Variants in MACF1 observed in about 807,000 individuals in gnomAD.
MACF1 encodes the protein microtubule actin crosslinking factor 1, also known as microtubule-actin cross-linking factor 1.
A neutral mutation model predicts 854.8 loss-of-function variants in MACF1; 193 were observed. That is an observed-to-expected ratio of 0.23 (90% CI 0.20 to 0.25). MACF1 has a LOEUF of 0.25. Among genes scored for constraint, MACF1 ranks in the 10% least tolerant of loss-of-function variants. MACF1 has a pLI of 1.00. For synonymous variants in MACF1, 3,185 were observed against 3,226.7 expected (o/e 0.99, Z 0.44); for missense variants, 7,722 against 8,929.1 (o/e 0.86, Z 5.45).
rs79990239 is a variant in MACF1, at chr1:39,379,277, C to T, written c.13351C>T (p.Arg4451Cys). 2.2e-4 allele frequency: 356 copies of T among 1,612,966 alleles called. 1 individual carries two copies. Among genetic ancestry groups the T allele is most frequent in the African/African-American group, 2.1e-3 (161 of 74,888 alleles). Residue 4451 changes from arginine to cysteine, a missense_variant, in exon 54 of 101, where the codon CGC becomes TGC. By Grantham distance (180) the Arg-to-Cys change is radical (BLOSUM62 -3). This residue lies in a region of MACF1 where 2,807 missense variants were observed against 3,235.8 expected (regional missense o/e 0.87). Transcript: ENST00000564288. The part of the protein sequence containing the change: ...YEKLGGVLHE[R>C]QESLQAILNR... ...GAAACTAGGGGGAGTACTTCATGAA[C>T]GCCAGGAAAGCCTTCAGGCTATCCT...
chr1:39,372,569 ACAG>A lies in MACF1; in HGVS notation c.13189_13191del (p.Ala4397del), dbSNP rs1280424663. On this transcript the variant is annotated inframe_deletion, in exon 52 of 101. Coordinates refer to ENST00000564288, the MANE Select transcript of MACF1 (RefSeq NM_001394062.1). ...TTTAGAAAATCTCATCATGGAAATC[ACAG>A]CACCTGATTCCCAAGGCAAGACAGG... The A allele has an allele frequency of 1.2e-6, 2 of 1,613,190 alleles. No individual in the cohort carries two copies. The highest frequency in any genetic ancestry group is 1.6e-4 in the Middle Eastern group (1 of 6,082).
intron 26 of MACF1, among the ~76,000 whole-genome samples, chr1:39,311,836 A>C (rs1646306774): frequency 6.6e-6 from 1 of 152,218 alleles, no homozygotes; most frequent in Admixed American, 6.5e-5. Flanking sequence ...GAGCTCTATG[A>C]AGGCTATTAA....
intron 45 of MACF1, 89 bp downstream of exon 45, chr1:39,357,982 T>G (rs1009291383): frequency 9.2e-5 from 122 of 1,320,052 alleles, no homozygotes; most frequent in Non-Finnish European, 5.5e-5. Context: ...GAATAAGAAC[T>G]CCAGGACACA....
At chr1:39,249,252 G>A (rs1272631380) in intron 2 of MACF1, among the ~76,000 whole-genome samples, 3 of 152,212 alleles carry the variant, frequency 2.0e-5, no homozygotes, top group Non-Finnish European at 2.9e-5. Context: ...ATAAAGCATA[G>A]TAGTTAATGG....
chr1:39,336,062 C>T lies in MACF1; in HGVS notation c.9474C>T (p.Thr3158=). 6.2e-7 allele frequency: 1 copy of T among 1,613,886 alleles called. No homozygotes were observed. The highest frequency in any genetic ancestry group is 8.5e-7 in the Non-Finnish European group (1 of 1,179,984). ...DSWVTSKTKE[T]KHQISSSNEC... Reference sequence around the variant, plus strand: ...GGGTTACTTCGAAAACTAAGGAAACCAAACATCAAATTTCCTCATCTAATG... The same window carrying T: ...GGGTTACTTCGAAAACTAAGGAAACTAAACATCAAATTTCCTCATCTAATG... Residue 3158 remains threonine (T), a synonymous_variant, in exon 37 of 101, where the codon ACC becomes ACT. Coordinates refer to ENST00000564288, the MANE Select transcript of MACF1 (RefSeq NM_001394062.1).
Position 39,335,095 on chromosome 1 carries a change from C to G in MACF1, c.8507C>G (p.Ala2836Gly). The G allele has an allele frequency of 6.2e-7, 1 of 1,613,264 alleles. No homozygotes were observed. Among genetic ancestry groups the G allele is most frequent in the Non-Finnish European group, 8.5e-7 (1 of 1,179,748 alleles). ...GTGAGAGTTTCTGATGGGGAGCAGG[C>G]AAAAAAGAGCAGGGAAATTTCCTTA... ...VKVRVSDGEQ[A>G]KKSREISLKE... is the part of the protein sequence containing the mutation. The change falls in exon 37 of 101, where the codon GCA (alanine) becomes GGA (glycine). Residue 2836 changes from alanine to glycine, a missense_variant. Ala to Gly is a moderately conservative substitution (Grantham distance 60). Around this residue, in one of 15 missense-constraint regions of MACF1, gnomAD observed 1,531 missense variants for 1,601.6 expected, o/e 0.96. Transcript: ENST00000564288.
intron 54 of MACF1, 92 bp from the exon 55 acceptor site, chr1:39,380,152 A>G: frequency 7.4e-7 from 1 of 1,344,324 alleles, no homozygotes; most frequent in Non-Finnish European, 1.0e-6. Context: ...AGAGTCTATA[A>G]TAACTGCCCA....
intron 6 of MACF1, among the ~76,000 whole-genome samples, chr1:39,271,205 C>T (rs768291121): frequency 2.6e-5 from 4 of 152,136 alleles, no homozygotes; most frequent in Non-Finnish European, 5.9e-5. Context: ...GTATACAGTT[C>T]TGCAGGCTGT....
intron 44 of MACF1, among the ~76,000 whole-genome samples, chr1:39,355,711 G>A (rs1022320874): frequency 2.0e-5 from 3 of 151,940 alleles, no homozygotes; most frequent in African/African-American, 7.2e-5. Context: ...TGATCCACCC[G>A]CCTTGGCCTC....
intron 2 of MACF1, among the ~76,000 whole-genome samples, chr1:39,130,190 A>G (rs1571077844): frequency 6.6e-6 from 1 of 152,318 alleles, no homozygotes; most frequent in Non-Finnish European, 1.5e-5. Context: ...TCTCATTATC[A>G]GAAGATGAAG....
intron 2 of MACF1, among the ~76,000 whole-genome samples, chr1:39,091,504 ATT>A (rs530996702): frequency 6.7e-6 from 1 of 150,112 alleles, no homozygotes; most frequent in Non-Finnish European, 1.5e-5. Flanking sequence ...GCCCTTGATA[ATT>A]TTTTTTTTGA....
At chr1:39,127,820 CTAGTCAGATGTGAGATG>C (rs1642897429) in intron 2 of MACF1, among the ~76,000 whole-genome samples, 1 of 151,562 alleles carries the variant, frequency 6.6e-6, no homozygotes, top group Admixed American at 6.6e-5. Flanking sequence ...CCATGGGGCC[CTAGTCAGATGTGAGATG>C]TTGTAAGTTA....
Position 39,429,872 on chromosome 1 carries a change from C to T in MACF1, c.16934C>T (p.Thr5645Ile), listed in dbSNP as rs781376150. ...CAGGAAAAACTAGATGGTATAAAGA[C>T]TCGTTACGCAGACATCACAGTTACT... Reference protein sequence around the residue: ...LIQEKLDGIKTRYADITVTSS... With the variant: ...LIQEKLDGIKIRYADITVTSS... The change falls in exon 65 of 101, where the codon ACT (threonine) becomes ATT (isoleucine). Residue 5645 changes from threonine (T) to isoleucine (I), a missense_variant. Thr to Ile is a moderately conservative substitution (Grantham distance 89). Around this residue, in one of 15 missense-constraint regions of MACF1, gnomAD observed 2,807 missense variants for 3,235.8 expected, o/e 0.87. Coordinates refer to ENST00000564288, the MANE Select transcript of MACF1 (RefSeq NM_001394062.1). The T allele has an allele frequency of 5.6e-6, 9 of 1,613,926 alleles. No individual in the cohort carries two copies. The African/African-American group carries it at 1.1e-4, about 19-fold the overall frequency.
At position 39,381,988 on chromosome 1, in the gene MACF1, G is replaced by C. The variant is rs766364371; in HGVS notation, c.13684G>C (p.Ala4562Pro). The change falls in exon 56 of 101, where the codon GCT (alanine) becomes CCT (proline). Residue 4562 changes from alanine to proline, a missense_variant. Physicochemically the swap from Ala to Pro is conservative, Grantham distance 27. This residue lies in a region of MACF1 where 2,807 missense variants were observed against 3,235.8 expected (regional missense o/e 0.87). Coordinates refer to ENST00000564288, the MANE Select transcript of MACF1 (RefSeq NM_001394062.1). ...RWERATEVTV[A>P]RQRQLEESAS... is the part of the protein sequence containing the mutation. ...GGAAAGGGCCACTGAGGTTACTGTGGCTCGGCAAAGGCAGCTAGAGGAATC... is the reference window on the plus strand; with the variant it reads ...GGAAAGGGCCACTGAGGTTACTGTGCCTCGGCAAAGGCAGCTAGAGGAATC... 8 of 1,613,946 alleles carry C rather than the reference G, an allele frequency of 5.0e-6. 1 individual carries two copies. Among genetic ancestry groups the C allele is most frequent in the Non-Finnish European group, 8.5e-7 (1 of 1,180,034 alleles).
intron 58 of MACF1, among the ~76,000 whole-genome samples, chr1:39,420,751 C>T (rs989571227): frequency 1.3e-5 from 2 of 152,056 alleles, no homozygotes; most frequent in Non-Finnish European, 2.9e-5. Flanking sequence ...CATTTTCTGT[C>T]ATCCTCTGGC....
rs1411543398 is a variant in MACF1, at chr1:39,368,310, G to A, written c.12934G>A (p.Glu4312Lys). 1 of 1,612,774 alleles carries A rather than the reference G, an allele frequency of 6.2e-7. No individual in the cohort carries two copies. The highest frequency in any genetic ancestry group is 1.7e-5 in the Admixed American group (1 of 59,970). ...CACAGAGCTACAGAAGACAGTTAAA[G>A]AGAGGTGAGTTATCACTTGTGTTGG... ...DFTELQKTVK[E>K]REKDASSCQE... The change falls in exon 50 of 101, where the codon GAG (glutamate) becomes AAG (lysine). Residue 4312 changes from glutamate to lysine, a missense_variant. Glu to Lys is a moderately conservative substitution (Grantham distance 56). Transcript: ENST00000564288.
chr1:39,409,015 G>T lies in MACF1; in HGVS notation c.15817-13359G>T, dbSNP rs1452656540. 6.6e-6 allele frequency among the ~76,000 whole-genome samples: 1 copy of T among 151,100 alleles called. No individual in the cohort carries two copies. The highest frequency in any genetic ancestry group is 6.6e-5 in the Admixed American group (1 of 15,202). ...CTCCCTGGCTTCCAGGGGGCTGCCC[G>T]GGCGGGGCGGCGCAGCGCGGCGGCG... On this transcript the variant is annotated intron_variant, in intron 58 of 100. Coordinates refer to ENST00000564288, the MANE Select transcript of MACF1 (RefSeq NM_001394062.1). The surrounding 1 kb of genome is among the most constrained non-coding windows in gnomAD (Gnocchi z 4.2).
chr1:39,094,996 C>T (rs1034493631), intron 2 of MACF1, among the ~76,000 whole-genome samples: 1 of 152,136 alleles, frequency 6.6e-6, no homozygotes. Flanking sequence ...TCCATGCCCT[C>T]CCTTGTATGC....
chr1:39,201,922 T>C (rs2148262505), upstream of MACF1, among the ~76,000 whole-genome samples: 1 of 151,110 alleles, frequency 6.6e-6, no homozygotes, highest in East Asian at 2.0e-4. Context: ...TTATCCATTC[T>C]CCAGATAGCC....
Sources: gnomAD v4.1 joint callset for allele counts (sites outside exome capture counted in the v4.1 genomes callset) on GRCh38, gnomAD v4.1.1 for gene constraint, gnomAD v4.1.1 regional missense constraint, Gnocchi (gnomAD v3.1) non-coding constraint, MANE v1.5 for transcripts, NCBI Gene and HGNC (gene_info 2026-07-23, HGNC 2026-07-21) for gene names.